COL16A1: variants seen among roughly 807,000 people sequenced by gnomAD.
COL16A1 encodes the protein collagen alpha-1(XVI) chain.
Under a neutral mutation model 266.3 loss-of-function variants are expected in COL16A1, and 189 were observed. The ratio of observed to expected loss-of-function variants is 0.71; its 90% confidence interval spans 0.63 to 0.80. The LOEUF is 0.80. Ranked by LOEUF, COL16A1 falls within the 30% of genes least tolerant of loss-of-function variation. The pLI is 0.00. For synonymous variants in COL16A1, 740 were observed against 782.3 expected, an observed-to-expected ratio of 0.95 and a Z score of 0.90; for missense variants, 1,928 against 2,122.4, an observed-to-expected ratio of 0.91 and a Z score of 1.80.
chr1:31,684,200 T>C lies in COL16A1; in HGVS notation c.2192A>G (p.Gln731Arg). ...TCCTGCCATGTCTGTCACTGTCCCC[T>C]GCAGGCTGGGGCAGGCAGTGCAGCC... ...GDGCTACPSLQGTVTDMAGRP... is the reference protein window; with the variant it reads ...GDGCTACPSLRGTVTDMAGRP... The change falls in exon 32 of 71, where the codon CAG becomes CGG. Residue 731 changes from glutamine to arginine, a missense_variant. Coordinates refer to ENST00000373672, the MANE Select transcript of COL16A1 (RefSeq NM_001856.4). 1 of 1,528,996 alleles carries C rather than the reference T, an allele frequency of 6.5e-7. No individual in the cohort carries two copies. The highest frequency in any genetic ancestry group is 8.8e-7 in the Non-Finnish European group (1 of 1,135,314). 94.7% of individuals were successfully genotyped at this position (1,528,996 alleles called of 1,614,324 possible). A position where few individuals can be genotyped will look rare whatever the true frequency, so the allele number is the denominator to read the frequency against.
In COL16A1 at chr1:31,684,507, A is replaced by G. The variant is rs754516809; in HGVS notation, c.2160+16T>C. The stretch of plus-strand genomic sequence containing the variant: ...TGCAACAAACTCCCCGACCCCAACC[A>G]CCCCGCCTGACTAACCTTTTCTCCT... On this transcript the variant is annotated intron_variant, in intron 31 of 70. Coordinates refer to ENST00000373672, the MANE Select transcript of COL16A1 (RefSeq NM_001856.4). 29 of 1,604,062 alleles carry G rather than the reference A, an allele frequency of 1.8e-5. No individual in the cohort carries two copies. Among genetic ancestry groups the G allele is most frequent in the Non-Finnish European group, 2.5e-5 (29 of 1,175,448 alleles).
chr1:31,685,762 G>A lies in COL16A1; in HGVS notation c.1893C>T (p.Pro631=). 6.2e-7 allele frequency: 1 copy of A among 1,613,804 alleles called. No homozygotes were observed. Among genetic ancestry groups the A allele is most frequent in the Non-Finnish European group, 8.5e-7 (1 of 1,179,952 alleles). ...TGGACAGGGCTGGGCACGGCTCACA[G>A]GGCTCCCCCTGCCAAGCAAGGACAT... is the stretch of plus-strand genomic sequence containing the variant. ...PAGIKGAKGE[P]CEPCPALSNL... Residue 631 remains proline (P), a synonymous_variant, in exon 29 of 71, where the codon CCC becomes CCT. Coordinates refer to ENST00000373672, the MANE Select transcript of COL16A1 (RefSeq NM_001856.4). The surrounding 1 kb of genome is among the most constrained non-coding windows in gnomAD (Gnocchi z 4.0).
At chr1:31,660,482 C>T in intron 62 of COL16A1, 103 bp downstream of exon 62, 1 of 1,498,730 alleles carries the variant, frequency 6.7e-7, no homozygotes, top group Non-Finnish European at 9.1e-7. Flanking sequence ...CTGGGGCAGC[C>T]CCTATGGCAA....
At chr1:31,696,836 C>T in intron 8 of COL16A1, 127 bp downstream of exon 8, 1 of 1,475,038 alleles carries the variant, frequency 6.8e-7, no homozygotes, top group Non-Finnish European at 9.2e-7. Context: ...ATAGGGAGGG[C>T]TTCCAGTGCC....
chr1:31,698,948 C>T lies in COL16A1; in HGVS notation c.267-342G>A, dbSNP rs575494264. On this transcript the variant is annotated intron_variant, in intron 4 of 70. Coordinates refer to ENST00000373672, the MANE Select transcript of COL16A1 (RefSeq NM_001856.4). The surrounding 1 kb of genome is among the most constrained non-coding windows in gnomAD (Gnocchi z 4.1). ...GTCTCTACTAAAAATACAAAAAATT[C>T]GCCAGGTGTAGTGGCAGGCGCCTGT... 4.6e-5 allele frequency among the ~76,000 whole-genome samples: 7 copies of T among 152,066 alleles called. No homozygotes were observed. The highest frequency in any genetic ancestry group is 2.1e-4 in the South Asian group (1 of 4,810).
intron 70 of COL16A1, 105 bp downstream of exon 70, chr1:31,653,494 C>A: frequency 7.5e-7 from 1 of 1,332,562 alleles, no homozygotes; most frequent in Non-Finnish European, 1.0e-6. Context: ...GGTTGACTGG[C>A]CTGTCGTTAT....
Position 31,685,548 on chromosome 1 carries a change from G to C in COL16A1, c.2016+91C>G, listed in dbSNP as rs1570522490. 189 of 1,213,104 alleles carry C rather than the reference G, an allele frequency of 1.6e-4. No homozygotes were observed. Among genetic ancestry groups the C allele is most frequent in the East Asian group, 5.4e-4 (18 of 33,156 alleles). The allele number at this position is 1,213,104 out of a possible 1,614,324, so 75.1% of individuals were successfully genotyped here. On this transcript the variant is annotated intron_variant, in intron 29 of 70. Coordinates refer to ENST00000373672, the MANE Select transcript of COL16A1 (RefSeq NM_001856.4). The surrounding 1 kb of genome is among the most constrained non-coding windows in gnomAD (Gnocchi z 4.0). The stretch of plus-strand genomic sequence containing the variant: ...CCTCCCCACTACCCCCAACTGCCCA[G>C]GGAGTCAAGAGACCCAGGCAGGACC...
In COL16A1 at chr1:31,681,051, T is replaced by C. The variant is rs1222163804; in HGVS notation, c.2555A>G (p.Gln852Arg). The C allele has an allele frequency of 6.2e-7, 1 of 1,613,358 alleles. No homozygotes were observed. Among genetic ancestry groups the C allele is most frequent in the South Asian group, 1.1e-5 (1 of 91,022 alleles). ...VSGPPGRDGQ[Q>R]GQTGLRGTPG... ...TGTTCCTCTGAGTCCCGTCTGTCCT[T>C]GCTGCCCATCACGGCCCTGAAGAGA... The change falls in exon 38 of 71, where the codon CAA becomes CGA. Residue 852 changes from glutamine to arginine, a missense_variant. By Grantham distance (43) the Gln-to-Arg change is conservative (BLOSUM62 1). Transcript: ENST00000373672.
rs777072840 is a variant in COL16A1 at position 31,684,841 on chromosome 1, G to A, written c.2032C>T (p.Arg678Cys). The change falls in exon 30 of 71, where the codon CGT becomes TGT. Residue 678 changes from arginine (R) to cysteine (C), a missense_variant. Physicochemically the swap from Arg to Cys is radical, Grantham distance 180. Around this residue, in one of 2 missense-constraint regions of COL16A1, gnomAD observed 1,552 missense variants for 1,637.2 expected, o/e 0.95. Coordinates refer to ENST00000373672, the MANE Select transcript of COL16A1 (RefSeq NM_001856.4). ...CTCACCTTCTGCCCCTTCAGTCCAC[G>A]CTCTCCAGCCTTGCCCTGAGGAGAA... ...LPGKQGKAGE[R>C]GLKGQKGDAG... The A allele has an allele frequency of 2.2e-5, 35 of 1,613,920 alleles. No homozygotes were observed. The highest frequency in any genetic ancestry group is 1.5e-4 in the South Asian group (14 of 91,082).
rs1557676422 is a variant in COL16A1 at position 31,688,807 on chromosome 1, C to T, written c.1767+54G>A. On this transcript the variant is annotated intron_variant, in intron 25 of 70. Transcript: ENST00000373672. This position sits in a 1 kb window ranked among gnomAD's most constrained non-coding sequence, Gnocchi z 4.9. ...GGATCTGAAAAGCCAGGGAGATCAA[C>T]AGTATGGCAAGGATGGCTGAACTGG... 2 of 1,539,196 alleles carry T rather than the reference C, an allele frequency of 1.3e-6. No individual in the cohort carries two copies. The highest frequency in any genetic ancestry group is 1.8e-6 in the Non-Finnish European group (2 of 1,127,254).
At position 31,689,261 on chromosome 1, in the gene COL16A1, A is replaced by G. The variant is rs115480803; in HGVS notation, c.1621-176T>C. ...GGGTTCATCAACCCACATAACAAGC[A>G]GGAGCGTGGCGGGGGGAATGACGCC... On this transcript the variant is annotated intron_variant, in intron 23 of 70. Coordinates refer to ENST00000373672, the MANE Select transcript of COL16A1 (RefSeq NM_001856.4). 541 of 1,043,288 alleles carry G rather than the reference A, an allele frequency of 5.2e-4. 2 individuals carry two copies. The African/African-American group carries it at 7.3e-3, about 14-fold the overall frequency. The allele number at this position is 1,043,288 out of a possible 1,614,324, so 64.6% of individuals were successfully genotyped here. A position where few individuals can be genotyped will look rare whatever the true frequency, so the allele number is the denominator to read the frequency against.
intron 11 of COL16A1, 64 bp from the exon 12 acceptor site, chr1:31,694,234 A>G: frequency 1.4e-6 from 2 of 1,443,254 alleles, no homozygotes; most frequent in Non-Finnish European, 1.9e-6. Flanking sequence ...GGCCCAGAGA[A>G]GTCAAGCAAT....
intron 12 of COL16A1, 47 bp from the exon 13 acceptor site, chr1:31,693,201 G>A (rs1448665422): frequency 1.6e-6 from 2 of 1,290,066 alleles, no homozygotes; most frequent in South Asian, 2.4e-5. Context: ...GGGGCACATG[G>A]GAGCCTTGAG....
rs1643773361 is a variant in COL16A1, at chr1:31,683,227, T to C, written c.2436A>G (p.Gly812=). ...CCTTCTCTCCAGTGGGGCCAGGTGG[T>C]CCCCGAGGTCCCGGAAGTCCCTGCA... ...PGIQGLPGPR[G]PPGPTGEKGA... Residue 812 remains glycine (G), a synonymous_variant, in exon 36 of 71, where the codon GGA becomes GGG. Coordinates refer to ENST00000373672, the MANE Select transcript of COL16A1 (RefSeq NM_001856.4). 2 of 1,613,932 alleles carry C rather than the reference T, an allele frequency of 1.2e-6. No individual in the cohort carries two copies. Among genetic ancestry groups the C allele is most frequent in the African/African-American group, 2.7e-5 (2 of 74,844 alleles).
chr1:31,692,783 G>A lies in COL16A1; in HGVS notation c.1097C>T (p.Pro366Leu), dbSNP rs2229803. Residue 366 changes from proline (P) to leucine (L), a missense_variant, in exon 14 of 71, where the codon CCG becomes CTG. Around this residue, in one of 2 missense-constraint regions of COL16A1, gnomAD observed 1,552 missense variants for 1,637.2 expected, o/e 0.95. Coordinates refer to ENST00000373672, the MANE Select transcript of COL16A1 (RefSeq NM_001856.4). ...AAGTCTTACCTGAAGTGGGGCATCC[G>A]GGGAGATTCGAACACAGTCATTGCC... ...ARGNDCVRISPDAPLQCAEGP... is the reference protein window; with the variant it reads ...ARGNDCVRISLDAPLQCAEGP... The A allele has an allele frequency of 4.0e-4, 653 of 1,613,748 alleles. 1 individual carries two copies. In the African/African-American group the frequency reaches 6.8e-3, roughly 17 times the overall value.
At chr1:31,682,854 G>C in intron 37 of COL16A1, 80 bp downstream of exon 37, 1 of 1,571,846 alleles carries the variant, frequency 6.4e-7, no homozygotes, top group Non-Finnish European at 8.7e-7. Context: ...GATGGGCAGG[G>C]TCAGCCCTGT....
In COL16A1 at chr1:31,668,245, T is replaced by C. The variant is rs1642314755; in HGVS notation, c.3250-27A>G. The C allele has an allele frequency of 2.5e-6, 4 of 1,612,186 alleles. No homozygotes were observed. Among genetic ancestry groups the C allele is most frequent in the Non-Finnish European group, 3.4e-6 (4 of 1,178,546 alleles). Reference sequence around the variant, plus strand: ...TGCAAAGAAAGGCAGACATGATGGATAGCCCCCCAACATTTCTGTTCTCCC... The same window carrying C: ...TGCAAAGAAAGGCAGACATGATGGACAGCCCCCCAACATTTCTGTTCTCCC... On this transcript the variant is annotated intron_variant, in intron 50 of 70. Transcript: ENST00000373672. The surrounding 1 kb of genome is among the most constrained non-coding windows in gnomAD (Gnocchi z 5.8).
intron 60 of COL16A1, 52 bp downstream of exon 60, chr1:31,661,362 A>G (rs1557615137): frequency 3.7e-6 from 6 of 1,612,742 alleles, no homozygotes; most frequent in Non-Finnish European, 5.1e-6. Context: ...CCTGGGGGCA[A>G]GCCTTCAGGA....
At position 31,697,221 on chromosome 1, in the gene COL16A1, C is replaced by A. The variant is rs1382324101; in HGVS notation, c.737G>T (p.Gly246Val). The A allele has an allele frequency of 6.2e-7, 1 of 1,613,238 alleles. No individual in the cohort carries two copies. Among genetic ancestry groups the A allele is most frequent in the Non-Finnish European group, 8.5e-7 (1 of 1,179,694 alleles). ...EEGCCEILPAGCPPETSKARR... is the reference protein window; with the variant it reads ...EEGCCEILPAVCPPETSKARR... ...CAGCCCAAGGGCCGGGCCACTCACC[C>A]CTGCTGGTAAAATCTCACAGCAGCC... Residue 246 changes from glycine to valine, a missense_variant and splice_region_variant, in exon 7 of 71, where the codon GGG becomes GTG. By Grantham distance (109) the Gly-to-Val change is moderately radical. Coordinates refer to ENST00000373672, the MANE Select transcript of COL16A1 (RefSeq NM_001856.4). The surrounding 1 kb of genome is among the most constrained non-coding windows in gnomAD (Gnocchi z 4.2).
Sources: gnomAD v4.1 joint callset for allele counts (sites outside exome capture counted in the v4.1 genomes callset) on GRCh38, gnomAD v4.1.1 for gene constraint, gnomAD v4.1.1 regional missense constraint, Gnocchi (gnomAD v3.1) non-coding constraint, MANE v1.5 for transcripts, NCBI Gene and HGNC (gene_info 2026-07-23, HGNC 2026-07-21) for gene names.